The following FAM200B variants were observed in gnomAD, a reference collection of about 807,000 sequenced individuals.
FAM200B encodes protein FAM200B.
Under a neutral mutation model 33.1 loss-of-function variants are expected in FAM200B, and 32 were observed. That is an observed-to-expected ratio of 0.97 (90% CI 0.73 to 1.30). FAM200B has a LOEUF of 1.30. Among genes scored for constraint, FAM200B ranks in the 50% most tolerant of loss-of-function variants. FAM200B has a pLI of 0.00. For missense variants in FAM200B, 741 were observed against 754.0 expected (o/e 0.98, Z 0.20); for synonymous variants, 240 against 264.8 (o/e 0.91, Z 0.91).
upstream of FAM200B, among the ~76,000 whole-genome samples, chr4:15,678,530 T>TA (rs1174642687): frequency 2.6e-5 from 4 of 152,244 alleles, no homozygotes; most frequent in East Asian, 7.7e-4. Flanking sequence ...TGCATAGGTA[T>TA]ACTAAATATA....
chr4:15,655,392 C>G, the FAM200B span: 3 of 1,039,930 alleles, frequency 2.9e-6, no homozygotes, highest in Non-Finnish European at 3.5e-6. Flanking sequence ...TGCGCCCGCC[C>G]CGTCGGCGCG....
At chr4:15,638,810 A>G in the FAM200B span, 1 of 641,026 alleles carries the variant, frequency 1.6e-6, no homozygotes, top group Non-Finnish European at 2.5e-6. Context: ...TCTCAAAAAG[A>G]TAAAAATTTT....
At chr4:15,682,043 G>A (rs1166021152) in intron 1 of FAM200B, 142 bp downstream of exon 1, 1 of 152,334 alleles carries the variant, frequency 6.6e-6, no homozygotes, top group African/African-American at 2.4e-5. Flanking sequence ...AGCAATCCGG[G>A]CCTGAAGGGC....
the FAM200B span, among the ~76,000 whole-genome samples, chr4:15,673,243 C>A: frequency 7.2e-5 from 11 of 152,110 alleles, no homozygotes; most frequent in African/African-American, 2.7e-4. Flanking sequence ...AGTTTGAAAC[C>A]AGCCTGGACA....
chr4:15,666,141 G>A, the FAM200B span, among the ~76,000 whole-genome samples: 1 of 152,070 alleles, frequency 6.6e-6, no homozygotes, highest in South Asian at 2.1e-4. Context: ...GTTCACACCT[G>A]TACTCCAAGC....
chr4:15,664,866 C>T, the FAM200B span, among the ~76,000 whole-genome samples: 1 of 151,976 alleles, frequency 6.6e-6, no homozygotes, highest in Non-Finnish European at 1.5e-5. Context: ...TCCTGCTCAT[C>T]TTTATATAAC....
Position 15,688,882 on chromosome 4 carries a change from G to A in FAM200B, c.1905G>A (p.Met635Ile). 1 of 1,550,184 alleles carries A rather than the reference G, an allele frequency of 6.5e-7. No homozygotes were observed. Among genetic ancestry groups the A allele is most frequent in the South Asian group, 1.2e-5 (1 of 83,806 alleles). ...ERNGLNCAAV[M>I]RVALSSCVPD... is the part of the protein sequence containing the mutation. The stretch of plus-strand genomic sequence containing the variant: ...ATGGGCTGAATTGTGCAGCAGTTAT[G>A]CGGGTAGCATTATCTTCCTGTGTTC... Residue 635 changes from methionine to isoleucine, a missense_variant, in exon 2 of 2, where the codon ATG becomes ATA. Coordinates refer to ENST00000422728, the MANE Select transcript of FAM200B (RefSeq NM_001145191.2).
chr4:15,637,668 C>T, the FAM200B span, among the ~76,000 whole-genome samples: 1 of 152,240 alleles, frequency 6.6e-6, no homozygotes, highest in Non-Finnish European at 1.5e-5. Context: ...AGCTTGGTAT[C>T]TAAAGCACAA....
the FAM200B span, among the ~76,000 whole-genome samples, chr4:15,658,651 C>A: frequency 6.6e-6 from 1 of 152,172 alleles, no homozygotes; most frequent in Non-Finnish European, 1.5e-5. Context: ...GATGCAGCCC[C>A]TTGACCATAG....
the FAM200B span, chr4:15,656,244 C>T: frequency 3.3e-5 from 15 of 456,074 alleles, no homozygotes; most frequent in Admixed American, 3.5e-4. Context: ...AAAATGTCTG[C>T]CTCTTTCCCA....
At chr4:15,653,543 T>C in the FAM200B span, among the ~76,000 whole-genome samples, 2 of 152,108 alleles carry the variant, frequency 1.3e-5, no homozygotes, top group Non-Finnish European at 2.9e-5. Context: ...AAATTTTCCA[T>C]ATAATTTCAG....
At chr4:15,669,627 A>G in the FAM200B span, among the ~76,000 whole-genome samples, 19 of 152,322 alleles carry the variant, frequency 1.2e-4, no homozygotes, top group Non-Finnish European at 2.4e-4. Context: ...CTTGGCTTCA[A>G]TGATCATCAA....
chr4:15,688,776 TG>T lies in FAM200B; in HGVS notation c.1800del (p.Leu601TyrfsTer13), dbSNP rs1719133475. Reference sequence around the variant, plus strand: ...CCATTGTTAAGTAGAAAGAGTGTCCTGCTATTGCTACCATTCACAACAACTA... The same window carrying T: ...CCATTGTTAAGTAGAAAGAGTGTCCTCTATTGCTACCATTCACAACAACTA... Reference protein sequence around the residue: ...DFPLLSRKSVLLLLPFTTTSL... With the variant: ...DFPLLSRKSVXLLLPFTTTSL... On this transcript the variant is annotated frameshift_variant, in exon 2 of 2. Coordinates refer to ENST00000422728, the MANE Select transcript of FAM200B (RefSeq NM_001145191.2). LOFTEE classifies it high-confidence loss of function. 1.3e-6 allele frequency: 2 copies of T among 1,551,084 alleles called. No homozygotes were observed. The highest frequency in any genetic ancestry group is 2.0e-5 in the Admixed American group (1 of 50,978).
At chr4:15,667,956 G>A in the FAM200B span, among the ~76,000 whole-genome samples, 11 of 151,688 alleles carry the variant, frequency 7.3e-5, no homozygotes, top group Non-Finnish European at 1.3e-4. Context: ...GAGGAGAATC[G>A]CTTGAACTCG....
chr4:15,685,703 T>A (rs1037951767), intron 1 of FAM200B, among the ~76,000 whole-genome samples: 1 of 152,068 alleles, frequency 6.6e-6, no homozygotes, highest in Admixed American at 6.5e-5. Flanking sequence ...ATAATAAAGA[T>A]ACAGTATTAA....
the FAM200B span, among the ~76,000 whole-genome samples, chr4:15,662,263 G>A: frequency 2.0e-5 from 3 of 152,152 alleles, no homozygotes; most frequent in Non-Finnish European, 2.9e-5. Flanking sequence ...TAGGGGCATA[G>A]GCTCCTTCCA....
chr4:15,640,747 A>T, the FAM200B span: 1 of 1,077,414 alleles, frequency 9.3e-7, no homozygotes, highest in Non-Finnish European at 1.4e-6. Flanking sequence ...GTATTTTAAG[A>T]ATGTTATAAA....
At chr4:15,657,510 A>C in the FAM200B span, among the ~76,000 whole-genome samples, 1 of 152,244 alleles carries the variant, frequency 6.6e-6, no homozygotes. Context: ...ACAACAACAA[A>C]AAAAGTCCAT....
the FAM200B span, among the ~76,000 whole-genome samples, chr4:15,655,926 C>T: frequency 7.9e-5 from 12 of 152,366 alleles, no homozygotes; most frequent in African/African-American, 2.6e-4. Flanking sequence ...GCTGCGGGCT[C>T]TGAGAGCTTC....
Sources: gnomAD v4.1 joint callset for allele counts (sites outside exome capture counted in the v4.1 genomes callset) on GRCh38, gnomAD v4.1.1 for gene constraint, MANE v1.5 for transcripts, NCBI Gene and HGNC (gene_info 2026-07-23, HGNC 2026-07-21) for gene names.